PLXDC2: variants seen among roughly 807,000 people sequenced by gnomAD.
PLXDC2 encodes the protein plexin domain containing 2, also known as plexin domain-containing protein 2.
Under a neutral mutation model 68.9 loss-of-function variants are expected in PLXDC2, and 40 were observed. That is an observed-to-expected ratio of 0.58 (90% CI 0.45 to 0.76). The LOEUF (loss-of-function observed/expected upper bound fraction) is 0.76, where lower values mean the gene tolerates loss of function less well. PLXDC2 is among the 30% of genes least tolerant of loss of function. PLXDC2 has a pLI of 0.00. For missense variants in PLXDC2, 644 were observed against 661.9 expected (o/e 0.97, Z 0.30); for synonymous variants, 243 against 234.2 (o/e 1.04, Z -0.34).
chr10:19,947,243 A>G (rs1037042437), intron 1 of PLXDC2, among the ~76,000 whole-genome samples: 11 of 152,210 alleles, frequency 7.2e-5, no homozygotes, highest in Non-Finnish European at 1.2e-4. Flanking sequence ...CAGTGAGACC[A>G]GTTTTGAACC....
chr10:20,279,977 A>T lies in PLXDC2; in HGVS notation c.*158A>T. The T allele has an allele frequency of 8.2e-6, 5 of 607,800 alleles. No homozygotes were observed. The highest frequency in any genetic ancestry group is 6.5e-5 in the South Asian group (3 of 46,376). 37.7% of individuals were successfully genotyped at this position (607,800 alleles called of 1,614,324 possible). ...ATTTCTGGACAAGCTCAGCCCAGGAAACAAAGGGTAAACAAAAAACTAAAA... is the reference window on the plus strand; with the variant it reads ...ATTTCTGGACAAGCTCAGCCCAGGATACAAAGGGTAAACAAAAAACTAAAA... On this transcript the variant is annotated 3_prime_UTR_variant, in exon 14 of 14. Coordinates refer to ENST00000377252, the MANE Select transcript of PLXDC2 (RefSeq NM_032812.9).
chr10:20,221,649 T>G (rs1835213881), intron 12 of PLXDC2, among the ~76,000 whole-genome samples: 1 of 152,218 alleles, frequency 6.6e-6, no homozygotes, highest in Non-Finnish European at 1.5e-5. Flanking sequence ...TTTTATGGAA[T>G]GTGGAGATGC....
At chr10:20,108,700 G>GTT (rs1833521796) in intron 4 of PLXDC2, among the ~76,000 whole-genome samples, 1 of 152,034 alleles carries the variant, frequency 6.6e-6, no homozygotes, top group Non-Finnish European at 1.5e-5. Flanking sequence ...TTTAAATTGA[G>GTT]GTTATGTCAC....
At position 20,286,539 on chromosome 10, in the gene PLXDC2, T is replaced by C. The variant is rs1490288463; in HGVS notation, c.*6720T>C. The C allele has an allele frequency of 6.6e-6, 1 of 152,200 alleles. No homozygotes were observed. The highest frequency in any genetic ancestry group is 2.4e-5 in the African/African-American group (1 of 41,448). The allele number at this position is 152,200 out of a possible 1,614,324, so 9.4% of individuals were successfully genotyped here. On this transcript the variant is annotated 3_prime_UTR_variant, in exon 14 of 14. Coordinates refer to ENST00000377252, the MANE Select transcript of PLXDC2 (RefSeq NM_032812.9). ...TATATATACATTCATGACCAAAGTA[T>C]CGCTTACTGACCATGCAGCTGTAAA...
At chr10:19,909,437 T>C (rs562836365) in intron 1 of PLXDC2, among the ~76,000 whole-genome samples, 1 of 152,310 alleles carries the variant, frequency 6.6e-6, no homozygotes, top group South Asian at 2.1e-4. Flanking sequence ...AATAAGGCTT[T>C]TAAAAGCCAG....
chr10:20,278,558 G>A (rs1231048190), intron 13 of PLXDC2, among the ~76,000 whole-genome samples: 32 of 152,058 alleles, frequency 2.1e-4, no homozygotes, highest in Admixed American at 2.1e-3. Context: ...ACGGCATTCT[G>A]ACCACATAAT....
intron 6 of PLXDC2, among the ~76,000 whole-genome samples, chr10:20,148,356 G>A (rs1834106840): frequency 6.6e-6 from 1 of 151,796 alleles, no homozygotes; most frequent in African/African-American, 2.4e-5. Flanking sequence ...GTGGCTCAAG[G>A]ACCCAGTACT....
chr10:20,184,449 T>C lies in PLXDC2; in HGVS notation c.1061+7040T>C, dbSNP rs138035111. Reference sequence around the variant, plus strand: ...TGAAATCTAAATAAATCATGTGTATTATATTTCAAAAAATCTGAAAATTTA... The same window carrying C: ...TGAAATCTAAATAAATCATGTGTATCATATTTCAAAAAATCTGAAAATTTA... On this transcript the variant is annotated intron_variant, in intron 9 of 13. Transcript: ENST00000377252. 9.8e-3 allele frequency among the ~76,000 whole-genome samples: 1,482 copies of C among 150,842 alleles called. 3 individuals are homozygous for C. Among genetic ancestry groups the C allele is most frequent in the Non-Finnish European group, 0.017 (1,124 of 67,644 alleles).
chr10:20,236,072 C>T (rs1427168220), intron 12 of PLXDC2, among the ~76,000 whole-genome samples: 5 of 152,046 alleles, frequency 3.3e-5, no homozygotes, highest in African/African-American at 1.2e-4. Context: ...TAGCTGAAAA[C>T]GTTGGGTACT....
rs781150512 is a variant in PLXDC2 at position 19,919,158 on chromosome 10, C to T, written c.113-82617C>T. ...ATACAGGGTCTAACTCTGTAAATAGCGTCTGATTATTCCTAATAGTGTGCT... is the reference window on the plus strand; with the variant it reads ...ATACAGGGTCTAACTCTGTAAATAGTGTCTGATTATTCCTAATAGTGTGCT... On this transcript the variant is annotated intron_variant, in intron 1 of 13. Coordinates refer to ENST00000377252, the MANE Select transcript of PLXDC2 (RefSeq NM_032812.9). Among the ~76,000 whole-genome samples, 112 of 152,274 alleles carry T rather than the reference C, an allele frequency of 7.4e-4. No homozygotes were observed. In the Middle Eastern group the frequency reaches 0.01, roughly 14 times the overall value.
At chr10:19,872,804 TG>T (rs1200470765) in intron 1 of PLXDC2, among the ~76,000 whole-genome samples, 2 of 152,112 alleles carry the variant, frequency 1.3e-5, no homozygotes, top group East Asian at 3.9e-4. Context: ...ACTTGTTCCC[TG>T]GGACAAGTCA....
chr10:19,957,724 A>G (rs1239149727), intron 1 of PLXDC2, among the ~76,000 whole-genome samples: 1 of 152,126 alleles, frequency 6.6e-6, no homozygotes, highest in African/African-American at 2.4e-5. Flanking sequence ...CCTTTAGTAA[A>G]AATTCGACCA....
intron 1 of PLXDC2, among the ~76,000 whole-genome samples, chr10:19,939,233 T>C (rs1288048509): frequency 6.6e-6 from 1 of 152,182 alleles, no homozygotes; most frequent in East Asian, 1.9e-4. Flanking sequence ...CTTCATAAAT[T>C]AATGAAACAG....
rs1029829522 is a variant in PLXDC2 at position 20,218,824 on chromosome 10, A to T, written c.1274-240A>T. ...TATTACTGCTTACTTTTCTTGTAGAACTTAAGGATCATTCAAGATGTTACC... is the reference window on the plus strand; with the variant it reads ...TATTACTGCTTACTTTTCTTGTAGATCTTAAGGATCATTCAAGATGTTACC... On this transcript the variant is annotated intron_variant, in intron 11 of 13. Transcript: ENST00000377252. Among the ~76,000 whole-genome samples, 5 of 152,180 alleles carry T rather than the reference A, an allele frequency of 3.3e-5. No individual in the cohort carries two copies. The East Asian group carries it at 5.8e-4, about 18-fold the overall frequency.
At chr10:20,116,337 AGAG>A (rs1195664434) in intron 4 of PLXDC2, among the ~76,000 whole-genome samples, 3 of 152,220 alleles carry the variant, frequency 2.0e-5, no homozygotes, top group African/African-American at 7.2e-5. Flanking sequence ...AGTTAAACTA[AGAG>A]GAGATGTAGT....
chr10:20,258,439 G>A (rs561734565), intron 13 of PLXDC2, among the ~76,000 whole-genome samples: 25 of 151,786 alleles, frequency 1.6e-4, no homozygotes, highest in African/African-American at 5.1e-4. Flanking sequence ...TCTTATACTC[G>A]GCCAAACAGT....
At chr10:19,944,748 C>T (rs113708723) in intron 1 of PLXDC2, among the ~76,000 whole-genome samples, 7,187 of 152,074 alleles carry the variant, frequency 0.047, 184 homozygotes, top group Non-Finnish European at 0.056. Context: ...GTCAGGAGTT[C>T]GAGACCAGCC....
intron 12 of PLXDC2, among the ~76,000 whole-genome samples, chr10:20,238,679 A>ATACACACATATATATG (rs1835470440): frequency 7.8e-6 from 1 of 128,408 alleles, no homozygotes; most frequent in African/African-American, 3.0e-5. Flanking sequence ...ATATATATGT[A>ATACACACATATATATG]TATATATATA....
At chr10:20,134,016 T>C (rs72793804) in intron 4 of PLXDC2, among the ~76,000 whole-genome samples, 3,777 of 152,312 alleles carry the variant, frequency 0.025, 75 homozygotes, top group Middle Eastern at 0.068. Flanking sequence ...AATTTTTCAG[T>C]TCAGTTAATG....
Sources: gnomAD v4.1 joint callset for allele counts (sites outside exome capture counted in the v4.1 genomes callset) on GRCh38, gnomAD v4.1.1 for gene constraint, MANE v1.5 for transcripts, NCBI Gene and HGNC (gene_info 2026-07-23, HGNC 2026-07-21) for gene names.